The following SMS variants were observed in gnomAD, a reference collection of about 807,000 sequenced individuals.
The protein encoded by SMS is spermine synthase, also known as spermidine aminopropyltransferase.
A neutral mutation model predicts 33.0 loss-of-function variants in SMS; 3 were observed. That is an observed-to-expected ratio of 0.09 (90% CI 0.04 to 0.23). The LOEUF (loss-of-function observed/expected upper bound fraction) is 0.23, where lower values mean the gene tolerates loss of function less well. Ranked by LOEUF, SMS falls within the 10% of genes least tolerant of loss-of-function variation. SMS has a pLI of 1.00. For synonymous variants in SMS, 103 were observed against 112.2 expected (o/e 0.92, Z 0.52); for missense variants, 117 against 288.6 (o/e 0.41, Z 4.31).
intron 1 of SMS, among the ~76,000 whole-genome samples, chrX:21,945,634 T>TCCCCCCCCCCCCCCCCCCCCCCCCC (rs376720187): frequency 8.8e-5 from 3 of 34,139 alleles, no homozygotes; most frequent in Non-Finnish European, 1.2e-4. Flanking sequence ...TTGCTTCCCG[T>TCCCCCCCCCCCCCCCCCCCCCCCCC]CCCCCCCCCC....
In SMS at chrX:21,940,863, C is replaced by T; in HGVS notation, c.39C>T (p.Leu13=). The T allele has an allele frequency of 1.8e-6, 2 of 1,109,389 alleles. No individual in the cohort carries two copies. Among genetic ancestry groups the T allele is most frequent in the Non-Finnish European group, 2.4e-6 (2 of 848,541 alleles). 91.4% of individuals were successfully genotyped at this position (1,109,389 alleles called of 1,213,427 possible). A position where few individuals can be genotyped will look rare whatever the true frequency, so the allele number is the denominator to read the frequency against. The change falls in exon 1 of 11, where the codon CTC becomes CTT. Residue 13 remains leucine, a synonymous_variant. Coordinates refer to ENST00000404933, the MANE Select transcript of SMS (RefSeq NM_004595.5). ...AARHSTLDFM[L]GAKADGETIL... ...GGCACAGCACGCTCGACTTCATGCT[C>T]GGCGCCAAAGGTGAGGGCGCCCGCC...
At chrX:21,983,653 GA>G (rs1245705657) in intron 7 of SMS, among the ~76,000 whole-genome samples, 11 of 111,464 alleles carry the variant, frequency 9.9e-5, no homozygotes, top group African/African-American at 3.6e-4. Context: ...AGAAAATTGA[GA>G]AATAACATGT....
intron 1 of SMS, among the ~76,000 whole-genome samples, chrX:21,948,757 G>A (rs551882151): frequency 2.7e-5 from 3 of 111,629 alleles, no homozygotes; most frequent in Middle Eastern, 9.2e-3. Flanking sequence ...GTTTAAAAAC[G>A]TCAATAAAGT....
intron 4 of SMS, among the ~76,000 whole-genome samples, chrX:21,972,916 C>CAAA (rs981181175): frequency 2.9e-3 from 116 of 39,516 alleles, no homozygotes; most frequent in East Asian, 0.01. Context: ...GAGACTGTCT[C>CAAA]AAAAAAAAAA....
chrX:21,943,712 G>A lies in SMS; in HGVS notation c.49+2839G>A, dbSNP rs773344864. On this transcript the variant is annotated intron_variant, in intron 1 of 10. Coordinates refer to ENST00000404933, the MANE Select transcript of SMS (RefSeq NM_004595.5). ...CAAGTGTTCTGGGCGTAAGAACTCC[G>A]ATTCATATTGCATTCTCTTCCATCA... Among the ~76,000 whole-genome samples, 20 of 111,130 alleles carry A rather than the reference G, an allele frequency of 1.8e-4. 1 individual carries two copies. Among genetic ancestry groups the A allele is most frequent in the Admixed American group, 1.7e-3 (18 of 10,468 alleles).
chrX:21,993,331 G>T (rs1925879832), intron 10 of SMS, among the ~76,000 whole-genome samples: 1 of 112,897 alleles, frequency 8.9e-6, no homozygotes, highest in African/African-American at 3.2e-5. Flanking sequence ...TAACATTGGT[G>T]TTCTCTGTTA....
intron 1 of SMS, among the ~76,000 whole-genome samples, chrX:21,949,758 G>T (rs749891536): frequency 1.3e-4 from 15 of 111,554 alleles, no homozygotes; most frequent in Non-Finnish European, 2.1e-4. Flanking sequence ...TCCTTTGCTG[G>T]CCTTACAGTG....
intron 1 of SMS, among the ~76,000 whole-genome samples, chrX:21,944,014 C>G: frequency 9.0e-6 from 1 of 110,927 alleles, no homozygotes; most frequent in Middle Eastern, 4.6e-3. Context: ...TTCTAATGTT[C>G]CAGTTCCATG....
At chrX:21,959,764 C>T (rs1299091973) in intron 1 of SMS, 1 of 141,496 alleles carries the variant, frequency 7.1e-6, no homozygotes, top group African/African-American at 3.2e-5. Context: ...TTGTGCACAA[C>T]CTGAGCCTGG....
chrX:21,983,871 A>T (rs1283688529), intron 7 of SMS, among the ~76,000 whole-genome samples: 1 of 111,652 alleles, frequency 9.0e-6, no homozygotes, highest in Non-Finnish European at 1.9e-5. Flanking sequence ...AAAACTTTTT[A>T]AAAATAGTTT....
chrX:21,959,471 T>C (rs1026285167), intron 1 of SMS, among the ~76,000 whole-genome samples: 1 of 111,688 alleles, frequency 9.0e-6, no homozygotes, highest in South Asian at 3.7e-4. Flanking sequence ...CCGCGCTCTT[T>C]GTCATTCTTT....
chrX:21,967,343 A>C, intron 2 of SMS, 27 bp downstream of exon 2: 2 of 1,203,532 alleles, frequency 1.7e-6, no homozygotes, highest in Non-Finnish European at 2.2e-6. Flanking sequence ...GCTGTTCTTC[A>C]TACCTGGTCA....
intron 9 of SMS, 104 bp downstream of exon 9, chrX:21,985,327 C>A (rs1201971886): frequency 1.6e-5 from 8 of 512,979 alleles, no homozygotes; most frequent in Non-Finnish European, 2.1e-5. Flanking sequence ...GATAGAGCGG[C>A]ATCATCGGAT....
chrX:21,954,397 G>T (rs1300484936), intron 1 of SMS, among the ~76,000 whole-genome samples: 1 of 112,142 alleles, frequency 8.9e-6, no homozygotes, highest in African/African-American at 3.2e-5. Flanking sequence ...GACCATCTAG[G>T]TGCAATGATT....
intron 2 of SMS, 60 bp downstream of exon 2, chrX:21,967,376 G>T (rs1923809376): frequency 8.6e-7 from 1 of 1,160,857 alleles, no homozygotes; most frequent in Non-Finnish European, 1.2e-6. Flanking sequence ...GAGGGTGACA[G>T]AGTGGAGGAT....
intron 1 of SMS, among the ~76,000 whole-genome samples, chrX:21,947,825 C>T (rs770531331): frequency 9.9e-5 from 11 of 111,461 alleles, no homozygotes; most frequent in South Asian, 3.8e-4. Context: ...TTGTGCTTCC[C>T]GGTAGCCAGG....
At chrX:21,986,520 G>A (rs1925347926) in intron 9 of SMS, among the ~76,000 whole-genome samples, 2 of 111,566 alleles carry the variant, frequency 1.8e-5, no homozygotes, top group African/African-American at 6.5e-5. Context: ...TCAGGCTCCA[G>A]CCTATCCTGT....
Position 21,994,836 on chromosome X carries a change from C to G in SMS, c.*485C>G. The G allele has an allele frequency of 5.3e-6, 4 of 754,893 alleles. No individual in the cohort carries two copies. Among genetic ancestry groups the G allele is most frequent in the Non-Finnish European group, 6.3e-6 (4 of 639,135 alleles). The allele number at this position is 754,893 out of a possible 1,213,427, so 62.2% of individuals were successfully genotyped here. Reference sequence around the variant, plus strand: ...GCTTCAATTAAAATTACAAAAGAGACATTTTGTGTGTTCTGTCGTTTTATT... The same window carrying G: ...GCTTCAATTAAAATTACAAAAGAGAGATTTTGTGTGTTCTGTCGTTTTATT... On this transcript the variant is annotated 3_prime_UTR_variant, in exon 11 of 11. Transcript: ENST00000404933.
chrX:21,950,451 T>G (rs1482417738), intron 1 of SMS, among the ~76,000 whole-genome samples: 2 of 107,262 alleles, frequency 1.9e-5, no homozygotes, highest in African/African-American at 6.8e-5. Flanking sequence ...TTTTTTTTTT[T>G]TTTAATTTGA....
Sources: gnomAD v4.1 joint callset for allele counts (sites outside exome capture counted in the v4.1 genomes callset) on GRCh38, gnomAD v4.1.1 for gene constraint, MANE v1.5 for transcripts, NCBI Gene and HGNC (gene_info 2026-07-23, HGNC 2026-07-21) for gene names.